The following MATR3 variants were observed in gnomAD, a reference collection of about 807,000 sequenced individuals.
MATR3 encodes matrin 3, also known as matrin-3.
In MATR3, 4 loss-of-function variants were observed where a neutral mutation model predicts 85.5. The observed-to-expected ratio is 0.05, with a 90% CI of 0.02 to 0.11. The LOEUF is 0.11. MATR3 is among the 10% of genes least tolerant of loss of function. MATR3 has a pLI of 1.00. For missense variants in MATR3, 685 were observed against 1,016.1 expected (o/e 0.67, Z 4.43); for synonymous variants, 336 against 343.1 (o/e 0.98, Z 0.23).
In MATR3 at chr5:139,331,411, A is replaced by G. The variant is rs1240245439; in HGVS notation, c.*2016A>G. 2 of 454,124 alleles carry G rather than the reference A, an allele frequency of 4.4e-6. No homozygotes were observed. The highest frequency in any genetic ancestry group is 8.8e-6 in the Non-Finnish European group (2 of 226,798). The allele number at this position is 454,124 out of a possible 1,614,324, so 28.1% of individuals were successfully genotyped here. ...CAGTGATGGCTTTTTCATAGCTTCA[A>G]CTTTGTTGGATTTAGCAAGTTGAAG... On this transcript the variant is annotated 3_prime_UTR_variant, in exon 15 of 15. Transcript: ENST00000394805.
chr5:139,315,948 T>C, intron 4 of MATR3, 128 bp from the exon 5 acceptor site: 1 of 810,356 alleles, frequency 1.2e-6, no homozygotes, highest in Non-Finnish European at 2.1e-6. Context: ...TTGACCTAGT[T>C]ACTTCACAGA....
At chr5:139,310,608 G>C (rs1446166169) in intron 2 of MATR3, 1 of 152,010 alleles carries the variant, frequency 6.6e-6, no homozygotes, top group Non-Finnish European at 1.5e-5. Flanking sequence ...TGGAAAATCT[G>C]TTCTTTTTAC....
rs371338948 is a variant in MATR3, at chr5:139,317,122, T to C, written c.1182+17T>C. ...GGCAGAGTGGTCAGTAATGAAGCTT[T>C]TGGTTTTACTGTATTTATGATTTTT... On this transcript the variant is annotated intron_variant, in intron 6 of 14. Coordinates refer to ENST00000394805, the MANE Select transcript of MATR3 (RefSeq NM_018834.6). The C allele has an allele frequency of 1.2e-6, 2 of 1,612,394 alleles. No homozygotes were observed. The highest frequency in any genetic ancestry group is 2.7e-5 in the African/African-American group (2 of 74,874).
intron 12 of MATR3, 114 bp downstream of exon 12, chr5:139,323,081 TCAGATATGAAC>T: frequency 9.4e-7 from 1 of 1,061,004 alleles, no homozygotes. Context: ...AGAAAATAAA[TCAGATATGAAC>T]CAGAATATAA....
chr5:139,330,953 G>A lies in MATR3; in HGVS notation c.*1558G>A. On this transcript the variant is annotated 3_prime_UTR_variant, in exon 15 of 15. Transcript: ENST00000394805. ...CTACAGGCTCATGCCACTATACCTGGCTAGTTTTTGGTTTTTTTGTATAGA... is the reference window on the plus strand; with the variant it reads ...CTACAGGCTCATGCCACTATACCTGACTAGTTTTTGGTTTTTTTGTATAGA... 1 of 453,984 alleles carries A rather than the reference G, an allele frequency of 2.2e-6. No individual in the cohort carries two copies. The highest frequency in any genetic ancestry group is 4.4e-6 in the Non-Finnish European group (1 of 226,770). The allele number at this position is 453,984 out of a possible 1,614,324, so 28.1% of individuals were successfully genotyped here.
In MATR3 at chr5:139,331,243, G is replaced by C; in HGVS notation, c.*1848G>C. The C allele has an allele frequency of 4.4e-6, 2 of 454,092 alleles. No homozygotes were observed. Among genetic ancestry groups the C allele is most frequent in the Non-Finnish European group, 8.8e-6 (2 of 226,788 alleles). The allele number at this position is 454,092 out of a possible 1,614,324, so 28.1% of individuals were successfully genotyped here. A position where few individuals can be genotyped will look rare whatever the true frequency, so the allele number is the denominator to read the frequency against. Reference sequence around the variant, plus strand: ...GAAAAGTAGGTGATGATTTTAATGTGACATGCACAAAAAATCCTTGCCAGT... The same window carrying C: ...GAAAAGTAGGTGATGATTTTAATGTCACATGCACAAAAAATCCTTGCCAGT... On this transcript the variant is annotated 3_prime_UTR_variant, in exon 15 of 15. Coordinates refer to ENST00000394805, the MANE Select transcript of MATR3 (RefSeq NM_018834.6).
At chr5:139,309,297 C>T (rs1290783447) in intron 2 of MATR3, among the ~76,000 whole-genome samples, 1 of 152,072 alleles carries the variant, frequency 6.6e-6, no homozygotes, top group African/African-American at 2.4e-5. Flanking sequence ...AATCTGTGAC[C>T]GTCCATTTTT....
At position 139,322,047 on chromosome 5, in the gene MATR3, T is replaced by G. The variant is rs1182160371; in HGVS notation, c.1734+18T>G. On this transcript the variant is annotated intron_variant, in intron 10 of 14. Coordinates refer to ENST00000394805, the MANE Select transcript of MATR3 (RefSeq NM_018834.6). Reference sequence around the variant, plus strand: ...TTCTGAGGGTATGTAGTATTTGATTTGTCATCATTTAACAGCTTGTTTTTA... The same window carrying G: ...TTCTGAGGGTATGTAGTATTTGATTGGTCATCATTTAACAGCTTGTTTTTA... The G allele has an allele frequency of 1.2e-6, 2 of 1,613,462 alleles. No homozygotes were observed. Among genetic ancestry groups the G allele is most frequent in the Non-Finnish European group, 1.7e-6 (2 of 1,179,498 alleles).
intron 10 of MATR3, 50 bp downstream of exon 10, chr5:139,322,079 T>G: frequency 6.3e-7 from 1 of 1,576,472 alleles, no homozygotes; most frequent in Non-Finnish European, 8.7e-7. Context: ...TTTACATATT[T>G]AAAGCCACAA....
At chr5:139,318,787 A>G in intron 7 of MATR3, 121 bp from the exon 8 acceptor site, 1 of 915,484 alleles carries the variant, frequency 1.1e-6, no homozygotes, top group Non-Finnish European at 1.7e-6. Flanking sequence ...TTTTCTACTT[A>G]ATGATTAAAT....
chr5:139,317,574 G>GT (rs761351139), intron 6 of MATR3, 22 bp from the exon 7 acceptor site: 19 of 1,603,830 alleles, frequency 1.2e-5, no homozygotes, highest in South Asian at 3.3e-5. Flanking sequence ...TAATTGCTTG[G>GT]TTTTTTTCCC....
Position 139,276,343 on chromosome 5 carries a change from C to T in MATR3, c.-257+193C>T, listed in dbSNP as rs116376826. Reference sequence around the variant, plus strand: ...ATAGTTGCTTATCCATTAAGGCAGGCGTGTTTTTTGGCTTCCCTGGGCCAC... The same window carrying T: ...ATAGTTGCTTATCCATTAAGGCAGGTGTGTTTTTTGGCTTCCCTGGGCCAC... On this transcript the variant is annotated intron_variant, in intron 2 of 16. Transcript: ENST00000509990. 360 of 397,108 alleles carry T rather than the reference C, an allele frequency of 9.1e-4. 3 individuals carry two copies. Among genetic ancestry groups the T allele is most frequent in the African/African-American group, 6.8e-3 (329 of 48,500 alleles). 24.6% of individuals were successfully genotyped at this position (397,108 alleles called of 1,614,324 possible). A position where few individuals can be genotyped will look rare whatever the true frequency, so the allele number is the denominator to read the frequency against.
chr5:139,323,346 AC>A (rs1413964192), intron 12 of MATR3, among the ~76,000 whole-genome samples: 1 of 152,184 alleles, frequency 6.6e-6, no homozygotes, highest in East Asian at 1.9e-4. Context: ...CATAGTTAAA[AC>A]TTTTGCCACT....
At chr5:139,319,289 A>G (rs756093004) in intron 8 of MATR3, 45 bp from the exon 9 acceptor site, 4 of 1,563,572 alleles carry the variant, frequency 2.6e-6, no homozygotes, top group Admixed American at 1.7e-5. Flanking sequence ...CTGTTAACTA[A>G]TAATTATTGC....
At position 139,329,657 on chromosome 5, in the gene MATR3, A is replaced by G. The variant is rs1378690022; in HGVS notation, c.*262A>G. On this transcript the variant is annotated 3_prime_UTR_variant, in exon 15 of 15. Transcript: ENST00000394805. Reference sequence around the variant, plus strand: ...TAGAGATTGACTTCCTAAGCTACTTAAGACAACTTGCACCACTAAGAAAAA... The same window carrying G: ...TAGAGATTGACTTCCTAAGCTACTTGAGACAACTTGCACCACTAAGAAAAA... The G allele has an allele frequency of 1.8e-5, 9 of 503,970 alleles. No individual in the cohort carries two copies. The highest frequency in any genetic ancestry group is 3.5e-5 in the Non-Finnish European group (9 of 260,702). The allele number at this position is 503,970 out of a possible 1,614,324, so 31.2% of individuals were successfully genotyped here.
At chr5:139,295,610 A>T (rs1754107452) in intron 1 of MATR3, among the ~76,000 whole-genome samples, 2 of 152,028 alleles carry the variant, frequency 1.3e-5, no homozygotes, top group South Asian at 2.1e-4. Flanking sequence ...AAACATACTA[A>T]TTTTTTTACT....
rs765603068 is a variant in MATR3, at chr5:139,322,734, A to G, written c.1915A>G (p.Thr639Ala). 8.1e-6 allele frequency: 13 copies of G among 1,614,164 alleles called. No homozygotes were observed. The African/African-American group carries it at 1.6e-4, about 20-fold the overall frequency. The stretch of plus-strand genomic sequence containing the variant: ...GTCCGGTGAAGATGGTGAGAAAGAC[A>G]CAAAGGATGACCAGACAGAGCAGGA... ...EKSGEDGEKD[T>A]KDDQTEQEPN... is the part of the protein sequence containing the mutation. The change falls in exon 12 of 15, where the codon ACA becomes GCA. Residue 639 changes from threonine (T) to alanine (A), a missense_variant. Thr to Ala is a moderately conservative substitution (Grantham distance 58). Transcript: ENST00000394805.
At chr5:139,314,390 T>C (rs1581243947) in intron 2 of MATR3, 2 of 383,704 alleles carry the variant, frequency 5.2e-6, no homozygotes, top group East Asian at 1.2e-4. Flanking sequence ...TAGTTACTAC[T>C]CTTGATCTTT....
intron 5 of MATR3, 83 bp downstream of exon 5, chr5:139,316,271 G>A (rs1755237495): frequency 1.9e-6 from 2 of 1,050,456 alleles, no homozygotes; most frequent in African/African-American, 1.6e-5. Context: ...TTGAGATGGG[G>A]TTTTGCTCTT....
Sources: allele counts gnomAD v4.1 joint callset (sites outside exome capture counted in the v4.1 genomes callset), GRCh38; gene constraint gnomAD v4.1.1; transcripts MANE v1.5; gene names NCBI Gene and HGNC (gene_info 2026-07-23, HGNC 2026-07-21).